P2RY6: variants seen among roughly 807,000 people sequenced by gnomAD.
P2RY6 encodes pyrimidinergic receptor P2Y6.
In P2RY6, 19 loss-of-function variants were observed where a neutral mutation model predicts 16.3. That is an observed-to-expected ratio of 1.16 (90% CI 0.81 to 1.71). P2RY6 has a LOEUF of 1.71. Among genes scored for constraint, P2RY6 ranks in the 40% most tolerant of loss-of-function variants. P2RY6 has a pLI of 0.00. For synonymous variants in P2RY6, 184 were observed against 201.5 expected (o/e 0.91, Z 0.74); for missense variants, 389 against 455.5 (o/e 0.85, Z 1.33).
chr11:73,295,940 A>C (rs1333089166), intron 2 of P2RY6, 125 bp downstream of exon 2: 1 of 184,078 alleles, frequency 5.4e-6, no homozygotes, highest in Non-Finnish European at 1.0e-5. Flanking sequence ...TCAGTCTCTG[A>C]GAGACATGCA....
At chr11:73,277,554 C>T (rs958473153) in intron 1 of P2RY6, among the ~76,000 whole-genome samples, 1 of 152,232 alleles carries the variant, frequency 6.6e-6, no homozygotes, top group African/African-American at 2.4e-5. Flanking sequence ...AGATAAAGAA[C>T]TTTGTTCCTC....
At chr11:73,293,078 T>G (rs1864333401) in intron 1 of P2RY6, among the ~76,000 whole-genome samples, 2 of 152,110 alleles carry the variant, frequency 1.3e-5, no homozygotes, top group South Asian at 4.2e-4. Flanking sequence ...GAGGAAGGGA[T>G]TCCACCCAGC....
At position 73,297,743 on chromosome 11, in the gene P2RY6, C is replaced by T. The variant is rs1052768769; in HGVS notation, c.*238C>T. The stretch of plus-strand genomic sequence containing the variant: ...TGGCTCTTGAGAGGTCCCAGTCAGC[C>T]ATGGAGAGCTGGGGAAACCACATTA... On this transcript the variant is annotated 3_prime_UTR_variant, in exon 3 of 3. Coordinates refer to ENST00000540124, the MANE Select transcript of P2RY6 (RefSeq NM_001277204.2). 2 of 566,026 alleles carry T rather than the reference C, an allele frequency of 3.5e-6. No homozygotes were observed. Among genetic ancestry groups the T allele is most frequent in the African/African-American group, 1.9e-5 (1 of 53,130 alleles). 35.1% of individuals were successfully genotyped at this position (566,026 alleles called of 1,614,324 possible). A position where few individuals can be genotyped will look rare whatever the true frequency, so the allele number is the denominator to read the frequency against.
At chr11:73,288,410 C>T (rs1214509626) in intron 1 of P2RY6, among the ~76,000 whole-genome samples, 1 of 152,178 alleles carries the variant, frequency 6.6e-6, no homozygotes, top group Admixed American at 6.5e-5. Flanking sequence ...AGCTTTAATT[C>T]CTGTTGAGTG....
At chr11:73,265,869 T>C (rs1206317405) in intron 1 of P2RY6, among the ~76,000 whole-genome samples, 1 of 152,238 alleles carries the variant, frequency 6.6e-6, no homozygotes, top group East Asian at 1.9e-4. Context: ...TCTGCAGAAC[T>C]TTGGGCAAAA....
intron 1 of P2RY6, among the ~76,000 whole-genome samples, chr11:73,288,733 G>A (rs548724492): frequency 1.4e-5 from 2 of 141,582 alleles, no homozygotes; most frequent in East Asian, 3.9e-4. Flanking sequence ...TGTATAGTAG[G>A]TAGGTACCAT....
intron 1 of P2RY6, among the ~76,000 whole-genome samples, chr11:73,288,832 C>T (rs1247664404): frequency 6.6e-6 from 1 of 152,246 alleles, no homozygotes; most frequent in Non-Finnish European, 1.5e-5. Flanking sequence ...GCCTGTCTGA[C>T]TCCTCAGGGG....
At chr11:73,282,069 CT>C in intron 1 of P2RY6, among the ~76,000 whole-genome samples, 2 of 152,252 alleles carry the variant, frequency 1.3e-5, no homozygotes, top group South Asian at 4.1e-4. Context: ...CACCTGTGAC[CT>C]GCGAGCTGGT....
chr11:73,290,135 T>C (rs1266902194), intron 1 of P2RY6, among the ~76,000 whole-genome samples: 4 of 151,654 alleles, frequency 2.6e-5, no homozygotes, highest in Non-Finnish European at 4.4e-5. Flanking sequence ...GGCAGGAGAA[T>C]CGCTTGAACC....
intron 2 of P2RY6, 74 bp from the exon 3 acceptor site, chr11:73,296,411 A>G: frequency 1.5e-6 from 2 of 1,355,676 alleles, no homozygotes; most frequent in Non-Finnish European, 2.1e-6. Context: ...AGGGAGATCA[A>G]GGCCCGAGGA....
intron 1 of P2RY6, among the ~76,000 whole-genome samples, chr11:73,284,385 T>C (rs1394576950): frequency 6.6e-6 from 1 of 152,058 alleles, no homozygotes; most frequent in Non-Finnish European, 1.5e-5. Flanking sequence ...AGGAAGATCC[T>C]TGGCCGGGCC....
chr11:73,274,497 A>C (rs557235907), intron 1 of P2RY6, among the ~76,000 whole-genome samples: 1,920 of 150,034 alleles, frequency 0.013, 50 homozygotes, highest in African/African-American at 0.046. Context: ...AGCTGAGATC[A>C]TACCACTGCA....
upstream of P2RY6, among the ~76,000 whole-genome samples, chr11:73,270,707 T>C (rs1410011222): frequency 2.6e-5 from 4 of 152,096 alleles, no homozygotes; most frequent in Non-Finnish European, 4.4e-5. Flanking sequence ...TGCCAAAGCG[T>C]TGGTGGCCCT....
At chr11:73,286,624 C>T (rs972591745) in intron 1 of P2RY6, among the ~76,000 whole-genome samples, 32 of 151,856 alleles carry the variant, frequency 2.1e-4, no homozygotes, top group African/African-American at 7.5e-4. Flanking sequence ...AGAGCCCCGG[C>T]GCTCATCTTT....
intron 1 of P2RY6, chr11:73,292,982 G>GGGGGGGGGGGGGGGGCCCCCC: frequency 7.3e-6 from 1 of 137,758 alleles, no homozygotes; most frequent in Non-Finnish European, 1.6e-5. Context: ...GTGGGGGGGG[G>GGGGGGGGGGGGGGGGCCCCCC]AGGTGGACAC....
chr11:73,292,736 C>T (rs1355884117), intron 1 of P2RY6: 6 of 933,120 alleles, frequency 6.4e-6, no homozygotes, highest in South Asian at 4.9e-5. Context: ...GGCAGGGAGC[C>T]GGTGGCCCCC....
chr11:73,274,529 C>T (rs540766099), intron 1 of P2RY6, among the ~76,000 whole-genome samples: 214 of 132,794 alleles, frequency 1.6e-3, no homozygotes, highest in Middle Eastern at 7.9e-3. Flanking sequence ...GTGACAAGAG[C>T]GAGACTGTCT....
chr11:73,265,616 G>A (rs1863077779), intron 1 of P2RY6, among the ~76,000 whole-genome samples: 1 of 152,090 alleles, frequency 6.6e-6, no homozygotes, highest in Non-Finnish European at 1.5e-5. Context: ...GGTCACTCCT[G>A]GGGCAGGGGC....
At chr11:73,276,132 A>G (rs951891406) in intron 1 of P2RY6, among the ~76,000 whole-genome samples, 8 of 152,236 alleles carry the variant, frequency 5.3e-5, no homozygotes, top group Non-Finnish European at 8.8e-5. Context: ...AACATAAGAA[A>G]AGGAGCAATT....
Sources: gnomAD v4.1 joint callset for allele counts (sites outside exome capture counted in the v4.1 genomes callset) on GRCh38, gnomAD v4.1.1 for gene constraint, MANE v1.5 for transcripts, NCBI Gene and HGNC (gene_info 2026-07-23, HGNC 2026-07-21) for gene names.